Variants in TAFA5 observed in about 807,000 individuals in gnomAD.
TAFA5 encodes TAFA chemokine like family member 5.
Under a neutral mutation model 15.3 loss-of-function variants are expected in TAFA5, and 6 were observed. That is an observed-to-expected ratio of 0.39 (90% CI 0.21 to 0.77). The LOEUF is 0.77. TAFA5 is among the 30% of genes least tolerant of loss of function. The pLI is 0.41. For synonymous variants in TAFA5, 103 were observed against 80.7 expected, an observed-to-expected ratio of 1.28 and a Z score of -1.48; for missense variants, 161 against 193.1, an observed-to-expected ratio of 0.83 and a Z score of 0.98.
At chr22:48,647,432 A>T (rs573308827) in intron 2 of TAFA5, among the ~76,000 whole-genome samples, 2 of 151,992 alleles carry the variant, frequency 1.3e-5, no homozygotes, top group African/African-American at 4.8e-5. Flanking sequence ...TCTGGTAGGG[A>T]ACTCTGCTGT....
intron 3 of TAFA5, among the ~76,000 whole-genome samples, chr22:48,710,733 G>C (rs79794215): frequency 2.6e-5 from 4 of 152,190 alleles, no homozygotes; most frequent in African/African-American, 9.7e-5. Flanking sequence ...ATTCCAGAGG[G>C]GTTCGAGCCT....
chr22:48,496,186 G>A (rs910744908), intron 1 of TAFA5, among the ~76,000 whole-genome samples: 5 of 152,224 alleles, frequency 3.3e-5, no homozygotes, highest in Non-Finnish European at 5.9e-5. Context: ...CGTGTGTGTT[G>A]TGGTGGCCAC....
At chr22:48,680,102 T>A (rs1011696749) in intron 2 of TAFA5, among the ~76,000 whole-genome samples, 1 of 152,156 alleles carries the variant, frequency 6.6e-6, no homozygotes, top group Non-Finnish European at 1.5e-5. Context: ...CCCCGGTGGG[T>A]GTGGATGGGT....
chr22:48,490,283 G>A lies in TAFA5; in HGVS notation c.112+579G>A, dbSNP rs1928100313. On this transcript the variant is annotated intron_variant, in intron 1 of 3. Coordinates refer to ENST00000402357, the MANE Select transcript of TAFA5 (RefSeq NM_001082967.3). The surrounding 1 kb of genome is among the most constrained non-coding windows in gnomAD (Gnocchi z 5.8). ...GAAGTGAGGGATGGGATGCCCGGAG[G>A]GGGCTCGCCGCGGCCGCGGACGTTT... Among the ~76,000 whole-genome samples the A allele has an allele frequency of 6.6e-6, 1 of 152,112 alleles. No homozygotes were observed.
chr22:48,690,063 G>A (rs1237859994), intron 2 of TAFA5, among the ~76,000 whole-genome samples: 5 of 152,234 alleles, frequency 3.3e-5, no homozygotes, highest in African/African-American at 7.2e-5. Flanking sequence ...GTCAGTGGAT[G>A]TGGAGATGTC....
chr22:48,634,480 ATCAC>A (rs1345187571), intron 1 of TAFA5, among the ~76,000 whole-genome samples: 1 of 124,862 alleles, frequency 8.0e-6, no homozygotes, highest in African/African-American at 3.3e-5. Flanking sequence ...CAATCACTCA[ATCAC>A]TCCTTGACTC....
intron 1 of TAFA5, among the ~76,000 whole-genome samples, chr22:48,507,148 A>G (rs1161562419): frequency 6.6e-6 from 1 of 151,360 alleles, no homozygotes; most frequent in Non-Finnish European, 1.5e-5. Context: ...TAGGAAGAGA[A>G]GGAGGTGGCC....
rs556648199 is a variant in TAFA5 at position 48,665,052 on chromosome 22, T to C, written c.262+18306T>C. ...TCACGTGCCATCAGCAGTCCATGAA[T>C]GTTCTGTGTGCGTCATGGTCCCTCC... is the stretch of plus-strand genomic sequence containing the variant. On this transcript the variant is annotated intron_variant, in intron 2 of 3. Transcript: ENST00000402357. Among the ~76,000 whole-genome samples the C allele has an allele frequency of 7.2e-5, 11 of 152,238 alleles. 1 individual carries two copies. The South Asian group carries it at 2.1e-3, about 29-fold the overall frequency.
At chr22:48,694,583 A>G (rs1928642433) in intron 2 of TAFA5, among the ~76,000 whole-genome samples, 1 of 151,684 alleles carries the variant, frequency 6.6e-6, no homozygotes, top group Non-Finnish European at 1.5e-5. Context: ...TCACCCCAAA[A>G]GCCTCCTCCC....
chr22:48,699,746 A>G (rs545141095), intron 2 of TAFA5, among the ~76,000 whole-genome samples: 1 of 152,332 alleles, frequency 6.6e-6, no homozygotes, highest in South Asian at 2.1e-4. Context: ...GCGGAGCTTT[A>G]AACGGGAATA....
rs1332136138 is a variant in TAFA5, at chr22:48,580,923, A to C, written c.113-65674A>C. ...CCTGATGAGGTGTGCAGGCAGACAG[A>C]GCGCAGGGGCATCGCAGTGCCAGCC... On this transcript the variant is annotated intron_variant, in intron 1 of 3. Coordinates refer to ENST00000402357, the MANE Select transcript of TAFA5 (RefSeq NM_001082967.3). Among the ~76,000 whole-genome samples, 3 of 149,872 alleles carry C rather than the reference A, an allele frequency of 2.0e-5. No homozygotes were observed. In the East Asian group the frequency reaches 5.8e-4, roughly 29 times the overall value.
At chr22:48,677,311 T>G (rs16999691) in intron 2 of TAFA5, among the ~76,000 whole-genome samples, 4,426 of 152,300 alleles carry the variant, frequency 0.029, 221 homozygotes, top group African/African-American at 0.1. Flanking sequence ...CCCGACACCT[T>G]TGGTCATCAC....
At chr22:48,542,491 G>GTGTGTGGCAT (rs1271990603) in intron 1 of TAFA5, among the ~76,000 whole-genome samples, 9 of 99,838 alleles carry the variant, frequency 9.0e-5, no homozygotes, top group African/African-American at 1.8e-4. Context: ...GTGTGTGTGT[G>GTGTGTGGCAT]GTGTGTGTGC....
At chr22:48,509,268 CATG>C (rs1921123696) in intron 1 of TAFA5, among the ~76,000 whole-genome samples, 1 of 152,176 alleles carries the variant, frequency 6.6e-6, no homozygotes, top group Non-Finnish European at 1.5e-5. Context: ...CTGCAGGAAA[CATG>C]AGGCTGAGGC....
rs569585317 is a variant in TAFA5, at chr22:48,550,237, A to C, written c.112+60533A>C. On this transcript the variant is annotated intron_variant, in intron 1 of 3. Transcript: ENST00000402357. This position sits in a 1 kb window ranked among gnomAD's most constrained non-coding sequence, Gnocchi z 4.1. Reference sequence around the variant, plus strand: ...CTCCAGGAGTTGAGTGCTTGGCTCCAGGGCCTGGGCAGATGGCGCATCTGG... The same window carrying C: ...CTCCAGGAGTTGAGTGCTTGGCTCCCGGGCCTGGGCAGATGGCGCATCTGG... 6.6e-6 allele frequency among the ~76,000 whole-genome samples: 1 copy of C among 152,308 alleles called. No homozygotes were observed. The highest frequency in any genetic ancestry group is 6.5e-5 in the Admixed American group (1 of 15,306).
chr22:48,738,961 C>A (rs1268072082), intron 3 of TAFA5, among the ~76,000 whole-genome samples: 1 of 152,214 alleles, frequency 6.6e-6, no homozygotes, highest in Admixed American at 6.5e-5. Flanking sequence ...CCAAGCCACC[C>A]CTCGTATGAG....
intron 1 of TAFA5, among the ~76,000 whole-genome samples, chr22:48,513,404 T>G (rs1467824216): frequency 6.6e-6 from 1 of 152,094 alleles, no homozygotes; most frequent in Non-Finnish European, 1.5e-5. Flanking sequence ...ATGTGCAGAG[T>G]TGAGTGCAGC....
chr22:48,503,374 C>G (rs780832635), intron 1 of TAFA5, among the ~76,000 whole-genome samples: 11 of 152,262 alleles, frequency 7.2e-5, no homozygotes, highest in Non-Finnish European at 1.5e-4. Flanking sequence ...TGGTGTCCCT[C>G]TTGCTTTACG....
At chr22:48,585,115 A>G (rs1229288619) in intron 1 of TAFA5, among the ~76,000 whole-genome samples, 4 of 149,036 alleles carry the variant, frequency 2.7e-5, no homozygotes, top group South Asian at 2.1e-4. Flanking sequence ...CACACACACA[A>G]TACACCACAC....
Sources: gnomAD v4.1 joint callset for allele counts (sites outside exome capture counted in the v4.1 genomes callset) on GRCh38, gnomAD v4.1.1 for gene constraint, Gnocchi (gnomAD v3.1) non-coding constraint, MANE v1.5 for transcripts, NCBI Gene and HGNC (gene_info 2026-07-23, HGNC 2026-07-21) for gene names.